ST3GAL2: variants seen among roughly 807,000 people sequenced by gnomAD.
The protein encoded by ST3GAL2 is ST3 beta-galactoside alpha-2,3-sialyltransferase 2, also known as CMP-N-acetylneuraminate-beta-galactosamide-alpha-2,3-sialyltransferase 2.
A neutral mutation model predicts 37.5 loss-of-function variants in ST3GAL2; 16 were observed. That is an observed-to-expected ratio of 0.43 (90% CI 0.29 to 0.65). The LOEUF (loss-of-function observed/expected upper bound fraction) is 0.65, where lower values mean the gene tolerates loss of function less well. Ranked by LOEUF, ST3GAL2 falls within the 30% of genes least tolerant of loss-of-function variation. The pLI is 0.17. For synonymous variants in ST3GAL2, 238 were observed against 202.9 expected (o/e 1.17, Z -1.47); for missense variants, 383 against 487.8 (o/e 0.79, Z 2.02).
Position 70,378,403 on chromosome 16 carries a change from CAAAAA to C in ST3GAL2, c.*3281_*3285del, listed in dbSNP as rs59855741. On this transcript the variant is annotated 3_prime_UTR_variant, in exon 7 of 7. Coordinates refer to ENST00000342907, the MANE Select transcript of ST3GAL2 (RefSeq NM_006927.4). Reference sequence around the variant, plus strand: ...TGGGTGACAGAGCAAGACTCCATCTCAAAAAAAAAAAAAAAAAAAAGCCAGGCGCG... The same window carrying C: ...TGGGTGACAGAGCAAGACTCCATCTCAAAAAAAAAAAAAAAGCCAGGCGCG... 7.7e-5 allele frequency: 3 copies of C among 39,070 alleles called. No individual in the cohort carries two copies. The highest frequency in any genetic ancestry group is 1.3e-3 in the East Asian group (2 of 1,520). The allele number at this position is 39,070 out of a possible 1,614,324, so 2.4% of individuals were successfully genotyped here.
chr16:70,411,792 C>G (rs181694901), intron 1 of ST3GAL2, among the ~76,000 whole-genome samples: 2 of 151,984 alleles, frequency 1.3e-5, no homozygotes, highest in Non-Finnish European at 2.9e-5. Context: ...GTTGGGAGTT[C>G]GAGAGCAGCC....
chr16:70,414,531 ACTC>A (rs1358059056), intron 1 of ST3GAL2, among the ~76,000 whole-genome samples: 1 of 152,010 alleles, frequency 6.6e-6, no homozygotes, highest in Non-Finnish European at 1.5e-5. Flanking sequence ...GGCCCATCTG[ACTC>A]TCTTCAAGTC....
chr16:70,394,164 T>C (rs535032683), intron 3 of ST3GAL2, among the ~76,000 whole-genome samples: 1 of 152,284 alleles, frequency 6.6e-6, no homozygotes. Context: ...CTCCCAACTC[T>C]TCTCCCTTCC....
At chr16:70,394,941 G>A in intron 3 of ST3GAL2, 41 bp downstream of exon 3, 2 of 1,592,664 alleles carry the variant, frequency 1.3e-6, no homozygotes, top group African/African-American at 1.4e-5. Context: ...CCTTCCCGGA[G>A]GCCCATCCTG....
At chr16:70,390,065 C>T (rs190179719) in intron 3 of ST3GAL2, among the ~76,000 whole-genome samples, 92 of 151,922 alleles carry the variant, frequency 6.1e-4, no homozygotes, top group Non-Finnish European at 1.1e-3. Flanking sequence ...GGATTACAGG[C>T]GTGAGCCACC....
In ST3GAL2 at chr16:70,379,177, ACAT is replaced by A. The variant is rs1230474821; in HGVS notation, c.*2509_*2511del. The A allele has an allele frequency of 6.6e-6, 1 of 152,066 alleles. No individual in the cohort carries two copies. The highest frequency in any genetic ancestry group is 2.1e-4 in the South Asian group (1 of 4,816). 9.4% of individuals were successfully genotyped at this position (152,066 alleles called of 1,614,324 possible). The stretch of plus-strand genomic sequence containing the variant: ...ATCGGAGCCTGATGGATACCTGGAG[ACAT>A]CATGTTGACAGAGGCCAAAGTGGTT... On this transcript the variant is annotated 3_prime_UTR_variant, in exon 7 of 7. Transcript: ENST00000342907.
chr16:70,379,551 A>G lies in ST3GAL2; in HGVS notation c.*2138T>C, dbSNP rs1249117632. 2.6e-5 allele frequency: 4 copies of G among 152,200 alleles called. No individual in the cohort carries two copies. Among genetic ancestry groups the G allele is most frequent in the Admixed American group, 2.6e-4 (4 of 15,276 alleles). The allele number at this position is 152,200 out of a possible 1,614,324, so 9.4% of individuals were successfully genotyped here. A position where few individuals can be genotyped will look rare whatever the true frequency, so the allele number is the denominator to read the frequency against. ...TAATTCAGAAAGGGAAGGAAATAAA[A>G]AAGTGTGTTTAAATTACTATTGCAG... On this transcript the variant is annotated 3_prime_UTR_variant, in exon 7 of 7. Coordinates refer to ENST00000342907, the MANE Select transcript of ST3GAL2 (RefSeq NM_006927.4).
intron 4 of ST3GAL2, among the ~76,000 whole-genome samples, chr16:70,385,580 G>C (rs1257203616): frequency 1.3e-5 from 2 of 151,696 alleles, no homozygotes; most frequent in African/African-American, 2.4e-5. Flanking sequence ...TGGTGAGACA[G>C]AGTAGATTAA....
Position 70,424,539 on chromosome 16 carries a change from C to T in ST3GAL2, c.-1004+14410G>A, listed in dbSNP as rs555587129. 5.3e-5 allele frequency among the ~76,000 whole-genome samples: 8 copies of T among 151,248 alleles called. No individual in the cohort carries two copies. The South Asian group carries it at 1.5e-3, about 28-fold the overall frequency. ...TTGCTTGAACCCGGGAGGTGGAGGT[C>T]GCGGTGAGCCGAGATTGTGCCATGG... On this transcript the variant is annotated intron_variant, in intron 1 of 6. Coordinates refer to ENST00000342907, the MANE Select transcript of ST3GAL2 (RefSeq NM_006927.4).
chr16:70,415,762 CTTT>C lies in ST3GAL2; in HGVS notation c.-1003-16232_-1003-16230del, dbSNP rs1203693372. Reference sequence around the variant, plus strand: ...TCCACCGTGCCCAGCTTCCAAGATTCTTTTTTTTTTTTTTTTTTTTCTTTTCTG... The same window carrying C: ...TCCACCGTGCCCAGCTTCCAAGATTCTTTTTTTTTTTTTTTTTCTTTTCTG... On this transcript the variant is annotated intron_variant, in intron 1 of 6. Transcript: ENST00000342907. Among the ~76,000 whole-genome samples the C allele has an allele frequency of 2.4e-3, 275 of 115,918 alleles. 2 individuals are homozygous for C. Among genetic ancestry groups the C allele is most frequent in the African/African-American group, 8.4e-3 (258 of 30,780 alleles). The allele number at this position is 115,918 out of a possible 152,430, so 76.0% of individuals were successfully genotyped here.
chr16:70,381,363 G>T lies in ST3GAL2; in HGVS notation c.*326C>A, dbSNP rs1225656787. ...CGCCATGCTCTCCTCCTCAGAAAGC[G>T]TGAAAGAAAACCCTAACCCAAAGCA... On this transcript the variant is annotated 3_prime_UTR_variant, in exon 7 of 7. Coordinates refer to ENST00000342907, the MANE Select transcript of ST3GAL2 (RefSeq NM_006927.4). 2.8e-5 allele frequency: 7 copies of T among 252,588 alleles called. No individual in the cohort carries two copies. The East Asian group carries it at 5.3e-4, about 19-fold the overall frequency. 15.6% of individuals were successfully genotyped at this position (252,588 alleles called of 1,614,324 possible).
At chr16:70,431,844 G>A (rs2047792563) in intron 1 of ST3GAL2, among the ~76,000 whole-genome samples, 1 of 151,816 alleles carries the variant, frequency 6.6e-6, no homozygotes, top group Non-Finnish European at 1.5e-5. Context: ...GGTGCCTGTA[G>A]TCCCAGCTAC....
At chr16:70,435,175 G>A (rs1007389856) in intron 1 of ST3GAL2, among the ~76,000 whole-genome samples, 6 of 152,252 alleles carry the variant, frequency 3.9e-5, no homozygotes, top group Non-Finnish European at 2.9e-5. Context: ...TCAAATAACC[G>A]TGGGGCAGTG....
chr16:70,385,450 G>C (rs1163974280), intron 4 of ST3GAL2, among the ~76,000 whole-genome samples: 2 of 152,124 alleles, frequency 1.3e-5, no homozygotes, highest in Non-Finnish European at 2.9e-5. Context: ...TCTGGAAATG[G>C]AGAGTGGTGA....
chr16:70,437,129 CA>C (rs902648278), intron 1 of ST3GAL2, among the ~76,000 whole-genome samples: 22 of 152,212 alleles, frequency 1.4e-4, no homozygotes, highest in Non-Finnish European at 5.9e-5. Flanking sequence ...ATTTGCACTC[CA>C]AAAGTTCCCA....
rs2047356851 is a variant in ST3GAL2 at position 70,377,359 on chromosome 16, A to G, written c.*4330T>C. 1 of 150,642 alleles carries G rather than the reference A, an allele frequency of 6.6e-6. No individual in the cohort carries two copies. Among genetic ancestry groups the G allele is most frequent in the Admixed American group, 6.6e-5 (1 of 15,088 alleles). 9.3% of individuals were successfully genotyped at this position (150,642 alleles called of 1,614,324 possible). A position where few individuals can be genotyped will look rare whatever the true frequency, so the allele number is the denominator to read the frequency against. On this transcript the variant is annotated 3_prime_UTR_variant, in exon 7 of 7. Transcript: ENST00000342907. ...GCCGGGCGTGGTAGTGCATGCCTGT[A>G]ATCCCAGCTACTCAGGAGGCTGAGA...
chr16:70,397,926 T>G (rs1396680189), intron 2 of ST3GAL2, among the ~76,000 whole-genome samples: 7 of 152,158 alleles, frequency 4.6e-5, no homozygotes, highest in Non-Finnish European at 2.9e-5. Flanking sequence ...GCTGTACTCC[T>G]CACTGCCACC....
chr16:70,381,898 G>C, intron 6 of ST3GAL2, 36 bp from the exon 7 acceptor site: 1 of 1,607,666 alleles, frequency 6.2e-7, no homozygotes, highest in Admixed American at 1.7e-5. Context: ...ACCCCAGGCG[G>C]GGACCTGGAG....
At chr16:70,426,699 G>A (rs529132876) in intron 1 of ST3GAL2, among the ~76,000 whole-genome samples, 32 of 151,744 alleles carry the variant, frequency 2.1e-4, no homozygotes, top group Non-Finnish European at 4.3e-4. Context: ...TAGTAGAGAC[G>A]GGGTTTCTCC....
Sources: allele counts gnomAD v4.1 joint callset (sites outside exome capture counted in the v4.1 genomes callset), GRCh38; gene constraint gnomAD v4.1.1; transcripts MANE v1.5; gene names NCBI Gene and HGNC (gene_info 2026-07-23, HGNC 2026-07-21).